The following ALK variants were observed in gnomAD, a reference collection of about 807,000 sequenced individuals.
ALK encodes the protein ALK receptor tyrosine kinase, also known as ALK tyrosine kinase receptor.
A neutral mutation model predicts 163.1 loss-of-function variants in ALK; 74 were observed. That is an observed-to-expected ratio of 0.45 (90% confidence interval 0.38 to 0.55). The LOEUF is 0.55. Among genes scored for constraint, ALK ranks in the 20% least tolerant of loss-of-function variants. The pLI is 0.00. For missense variants in ALK, 2,063 were observed against 2,105.3 expected (o/e 0.98, Z 0.39); for synonymous variants, 960 against 843.2 (o/e 1.14, Z -2.40).
In ALK at chr2:29,399,941, A is replaced by C. The variant is rs77680275; in HGVS notation, c.1155-16082T>G. On this transcript the variant is annotated intron_variant, in intron 4 of 28. Coordinates refer to ENST00000389048, the MANE Select transcript of ALK (RefSeq NM_004304.5). ...GCCCATTTTTTCGATAGGAAAAGAC[A>C]CAGACACTAGGATCCTAGAGCAAGA... Among the ~76,000 whole-genome samples the C allele has an allele frequency of 8.2e-3, 1,245 of 152,328 alleles. 25 individuals carry two copies. Among genetic ancestry groups the C allele is most frequent in the African/African-American group, 0.028 (1,169 of 41,566 alleles).
chr2:29,748,189 G>A (rs1171399742), intron 1 of ALK, among the ~76,000 whole-genome samples: 2 of 152,086 alleles, frequency 1.3e-5, no homozygotes, highest in Non-Finnish European at 2.9e-5. Flanking sequence ...GCTCTCCAGT[G>A]CTTTGCAAAG....
chr2:29,770,889 CCA>C (rs905110422), intron 1 of ALK, among the ~76,000 whole-genome samples: 1 of 150,748 alleles, frequency 6.6e-6, no homozygotes, highest in Non-Finnish European at 1.5e-5. Context: ...ATGCACACAG[CCA>C]CACACACAGT....
At chr2:29,747,065 T>C (rs1360584302) in intron 1 of ALK, among the ~76,000 whole-genome samples, 1 of 152,200 alleles carries the variant, frequency 6.6e-6, no homozygotes, top group Non-Finnish European at 1.5e-5. Flanking sequence ...TTTCCTTCAC[T>C]AGTTCCAAGT....
At chr2:29,743,733 G>T (rs1680126241) in intron 1 of ALK, among the ~76,000 whole-genome samples, 1 of 152,200 alleles carries the variant, frequency 6.6e-6, no homozygotes, top group South Asian at 2.1e-4. Context: ...AACTCTGTTA[G>T]CCTGAGGCCT....
chr2:29,575,759 T>C (rs1036149520), intron 3 of ALK, among the ~76,000 whole-genome samples: 5 of 152,084 alleles, frequency 3.3e-5, no homozygotes, highest in Non-Finnish European at 7.4e-5. Context: ...TCCCAGTCCT[T>C]TGGAAAGTTT....
intron 1 of ALK, among the ~76,000 whole-genome samples, chr2:29,808,854 G>A (rs778073013): frequency 6.6e-6 from 1 of 152,192 alleles, no homozygotes; most frequent in Non-Finnish European, 1.5e-5. Flanking sequence ...TTATATGTCT[G>A]CCACGGCCCC....
At chr2:29,283,983 C>T (rs947142845) in intron 9 of ALK, among the ~76,000 whole-genome samples, 6 of 152,284 alleles carry the variant, frequency 3.9e-5, no homozygotes, top group South Asian at 2.1e-4. Context: ...ATGTGATTCA[C>T]GTTATTTACT....
intron 3 of ALK, among the ~76,000 whole-genome samples, chr2:29,542,198 T>A (rs1673430399): frequency 6.6e-6 from 1 of 152,004 alleles, no homozygotes; most frequent in Admixed American, 6.5e-5. Flanking sequence ...ACAGAATCAG[T>A]TTTTGTTTTG....
intron 1 of ALK, among the ~76,000 whole-genome samples, chr2:29,900,998 C>T (rs934081874): frequency 5.0e-5 from 6 of 118,864 alleles, no homozygotes; most frequent in Non-Finnish European, 1.1e-4. Context: ...AGAGAGAGAG[C>T]AAGCAAGCAA....
At chr2:29,613,205 T>C (rs1168231049) in intron 3 of ALK, among the ~76,000 whole-genome samples, 1 of 152,220 alleles carries the variant, frequency 6.6e-6, no homozygotes, top group Non-Finnish European at 1.5e-5. Flanking sequence ...TTATCCCAAA[T>C]TATTTTTCGA....
At chr2:29,303,056 G>T (rs1360049371) in intron 8 of ALK, among the ~76,000 whole-genome samples, 1 of 152,022 alleles carries the variant, frequency 6.6e-6, no homozygotes, top group South Asian at 2.1e-4. Context: ...CACAACAAAA[G>T]AAACTATAAA....
At chr2:29,642,701 C>T (rs1238256903) in intron 3 of ALK, among the ~76,000 whole-genome samples, 1 of 152,230 alleles carries the variant, frequency 6.6e-6, no homozygotes, top group South Asian at 2.1e-4. Flanking sequence ...ACCTATTCAG[C>T]TCTTCTTTAA....
At chr2:29,343,634 C>A (rs930815131) in intron 5 of ALK, among the ~76,000 whole-genome samples, 2 of 152,160 alleles carry the variant, frequency 1.3e-5, no homozygotes, top group African/African-American at 2.4e-5. Flanking sequence ...GGTTCAAGGT[C>A]TCAGCCAGCA....
chr2:29,497,042 G>A (rs1672045940), intron 4 of ALK, among the ~76,000 whole-genome samples: 2 of 152,232 alleles, frequency 1.3e-5, no homozygotes, highest in South Asian at 2.1e-4. Context: ...TGGCTGAGGC[G>A]GGTTTATCAC....
intron 23 of ALK, among the ~76,000 whole-genome samples, chr2:29,214,889 T>G (rs1457680612): frequency 4.6e-5 from 7 of 152,190 alleles, no homozygotes; most frequent in African/African-American, 1.7e-4. Context: ...GTGATGAAGT[T>G]CCAGAGACAG....
chr2:29,568,814 T>A (rs141399377), intron 3 of ALK, among the ~76,000 whole-genome samples: 1 of 152,294 alleles, frequency 6.6e-6, no homozygotes, highest in African/African-American at 2.4e-5. Flanking sequence ...TGCCAGTGTT[T>A]TCTCAGTGGG....
At chr2:29,701,167 C>T (rs1312138102) in intron 2 of ALK, among the ~76,000 whole-genome samples, 1 of 152,200 alleles carries the variant, frequency 6.6e-6, no homozygotes, top group Admixed American at 6.5e-5. Flanking sequence ...AACAATGCTC[C>T]TTTGTATCCA....
intron 11 of ALK, among the ~76,000 whole-genome samples, chr2:29,251,618 G>C (rs577994557): frequency 6.6e-5 from 10 of 152,292 alleles, no homozygotes; most frequent in Non-Finnish European, 1.3e-4. Context: ...TTCCAGGAAG[G>C]GGAGAAGGCC....
At chr2:29,546,049 C>T (rs956027623) in intron 3 of ALK, among the ~76,000 whole-genome samples, 6 of 152,196 alleles carry the variant, frequency 3.9e-5, no homozygotes, top group South Asian at 4.2e-4. Context: ...TGCGTATATA[C>T]GTGTACATCA....
Sources: allele counts gnomAD v4.1 joint callset (sites outside exome capture counted in the v4.1 genomes callset), GRCh38; gene constraint gnomAD v4.1.1; transcripts MANE v1.5; gene names NCBI Gene and HGNC (gene_info 2026-07-23, HGNC 2026-07-21).